Variants in COP1 observed in about 807,000 individuals in gnomAD.
The protein encoded by COP1 is COP1 E3 ubiquitin ligase, also known as E3 ubiquitin-protein ligase COP1.
A neutral mutation model predicts 101.3 loss-of-function variants in COP1; 24 were observed. The ratio of observed to expected loss-of-function variants is 0.24; its 90% CI spans 0.17 to 0.33. The LOEUF is 0.33. Ranked by LOEUF, COP1 falls within the 10% of genes least tolerant of loss-of-function variation. The probability of loss-of-function intolerance (pLI) is 1.00; values close to 1 mark genes in which losing one functional copy is unlikely to be tolerated. For synonymous variants in COP1, 347 were observed against 341.9 expected, an observed-to-expected ratio of 1.01 and a Z score of -0.17; for missense variants, 663 against 906.2, an observed-to-expected ratio of 0.73 and a Z score of 3.45.
chr1:176,164,867 C>T (rs1312840935), intron 3 of COP1, among the ~76,000 whole-genome samples: 1 of 152,004 alleles, frequency 6.6e-6, no homozygotes, highest in Non-Finnish European at 1.5e-5. Flanking sequence ...GAAACTACCA[C>T]TAGGCTAGGA....
intron 11 of COP1, among the ~76,000 whole-genome samples, chr1:176,060,194 T>C (rs796729054): frequency 3.3e-5 from 5 of 152,348 alleles, no homozygotes; most frequent in African/African-American, 1.2e-4. Flanking sequence ...TACTTTCTTA[T>C]TCCCTCTGGC....
chr1:176,120,469 G>A (rs746921634), intron 8 of COP1, among the ~76,000 whole-genome samples: 4 of 151,548 alleles, frequency 2.6e-5, no homozygotes, highest in Admixed American at 6.6e-5. Flanking sequence ...ATCAAAAAAC[G>A]TCAAGGGAAA....
rs1201929806 is a variant in COP1, at chr1:175,988,558, C to CGTG, written c.1848-149_1848-147dup. 3 of 709,670 alleles carry CGTG rather than the reference C, an allele frequency of 4.2e-6. No individual in the cohort carries two copies. In the African/African-American group the frequency reaches 5.3e-5, roughly 13 times the overall value. The allele number at this position is 709,670 out of a possible 1,614,324, so 44.0% of individuals were successfully genotyped here. A position where few individuals can be genotyped will look rare whatever the true frequency, so the allele number is the denominator to read the frequency against. ...TTAGCACGTTCATCTGTCGGCCAGG[C>CGTG]GTGGTGGCTCACGCTTGTATTCCAA... On this transcript the variant is annotated intron_variant, in intron 16 of 19. Coordinates refer to ENST00000367669, the MANE Select transcript of COP1 (RefSeq NM_022457.7).
chr1:175,964,464 C>T (rs1164881411), intron 18 of COP1, among the ~76,000 whole-genome samples: 1 of 152,244 alleles, frequency 6.6e-6, no homozygotes, highest in South Asian at 2.1e-4. Context: ...TTTAGTTCCC[C>T]TTTCAAGTGG....
intron 15 of COP1, among the ~76,000 whole-genome samples, chr1:175,991,683 T>C (rs1297754913): frequency 1.3e-5 from 2 of 152,224 alleles, no homozygotes; most frequent in East Asian, 3.8e-4. Flanking sequence ...AGTATTTCCT[T>C]TTTACATTTC....
At chr1:176,090,037 CTA>C (rs1293365749) in intron 9 of COP1, among the ~76,000 whole-genome samples, 82 of 152,208 alleles carry the variant, frequency 5.4e-4, no homozygotes, top group Non-Finnish European at 5.9e-5. Flanking sequence ...AGGTAGCCAC[CTA>C]TGAGACTTCA....
chr1:176,176,010 A>T lies in COP1; in HGVS notation c.468-3T>A. 1 of 1,426,162 alleles carries T rather than the reference A, an allele frequency of 7.0e-7. No homozygotes were observed. The highest frequency in any genetic ancestry group is 9.7e-7 in the Non-Finnish European group (1 of 1,026,680). 88.3% of individuals were successfully genotyped at this position (1,426,162 alleles called of 1,614,324 possible). ...AACTCTGATGAATACACTTGTAGCT[A>T]TTAGTAGGGGGGGAAAAAAAAGGCT... On this transcript the variant is annotated splice_region_variant and splice_polypyrimidine_tract_variant and intron_variant, in intron 2 of 19. Transcript: ENST00000367669.
At chr1:176,047,519 T>C (rs1321582976) in intron 11 of COP1, among the ~76,000 whole-genome samples, 3 of 152,150 alleles carry the variant, frequency 2.0e-5, no homozygotes, top group African/African-American at 7.2e-5. Context: ...AAACTCAAAG[T>C]GTAAAGGCTA....
At chr1:176,151,241 T>G (rs1050902388) in intron 5 of COP1, among the ~76,000 whole-genome samples, 2 of 137,384 alleles carry the variant, frequency 1.5e-5, no homozygotes, top group African/African-American at 5.4e-5. Flanking sequence ...GAAATGTATT[T>G]AGAAAGAAAG....
At chr1:176,096,295 C>T (rs952652199) in intron 9 of COP1, among the ~76,000 whole-genome samples, 5 of 152,096 alleles carry the variant, frequency 3.3e-5, no homozygotes, top group African/African-American at 4.8e-5. Context: ...GTAACAGCAC[C>T]TATCTTTTCT....
chr1:176,045,784 T>C (rs1671416579), intron 12 of COP1, among the ~76,000 whole-genome samples: 1 of 151,982 alleles, frequency 6.6e-6, no homozygotes, highest in Non-Finnish European at 1.5e-5. Context: ...AAAAAAATTC[T>C]TAAAACTAGA....
At chr1:176,134,157 G>A (rs74413814) in intron 8 of COP1, among the ~76,000 whole-genome samples, 6,368 of 151,910 alleles carry the variant, frequency 0.042, 155 homozygotes, top group Non-Finnish European at 0.048. Context: ...TAAGGTTTCC[G>A]AAGGTTATTA....
intron 11 of COP1, among the ~76,000 whole-genome samples, chr1:176,068,115 A>C (rs141627688): frequency 2.0e-5 from 3 of 152,340 alleles, no homozygotes; most frequent in African/African-American, 7.2e-5. Context: ...TGAACCTAAA[A>C]CTGCTCCATA....
At chr1:176,147,857 C>G (rs1036521330) in intron 6 of COP1, among the ~76,000 whole-genome samples, 1 of 152,216 alleles carries the variant, frequency 6.6e-6, no homozygotes, top group Non-Finnish European at 1.5e-5. Context: ...CAGGCTCCAA[C>G]AGAGCCTCCC....
intron 1 of COP1, among the ~76,000 whole-genome samples, chr1:176,185,062 G>A (rs1199430975): frequency 6.6e-6 from 1 of 152,058 alleles, no homozygotes; most frequent in Non-Finnish European, 1.5e-5. Context: ...CGTGTACCGA[G>A]ACCTGCTAAA....
At chr1:176,001,899 C>T (rs1412945633) in intron 15 of COP1, among the ~76,000 whole-genome samples, 1 of 152,082 alleles carries the variant, frequency 6.6e-6, no homozygotes, top group African/African-American at 2.4e-5. Context: ...CCTTTCAATA[C>T]TTTAAACATA....
chr1:176,206,202 G>A (rs1471532760), intron 1 of COP1: 1 of 252,678 alleles, frequency 4.0e-6, no homozygotes, highest in Non-Finnish European at 7.7e-6. Flanking sequence ...CTGATTGACT[G>A]AGTGTTCAAT....
At position 176,132,277 on chromosome 1, in the gene COP1, T is replaced by C. The variant is rs139389222; in HGVS notation, c.968+2733A>G. On this transcript the variant is annotated intron_variant, in intron 8 of 19. Transcript: ENST00000367669. ...ATAACTTTCCATCATAATTAGTCTT[T>C]ACTTGATTAATGTGTCAACTTAAAT... 4.6e-3 allele frequency among the ~76,000 whole-genome samples: 697 copies of C among 151,936 alleles called. 7 individuals are homozygous for C. Among genetic ancestry groups the C allele is most frequent in the African/African-American group, 0.015 (606 of 41,520 alleles).
intron 15 of COP1, among the ~76,000 whole-genome samples, chr1:175,999,658 CTA>C (rs1661121103): frequency 6.6e-6 from 1 of 151,968 alleles, no homozygotes; most frequent in Non-Finnish European, 1.5e-5. Flanking sequence ...TATGGTAGCT[CTA>C]GTTTTAATTT....
Sources: gnomAD v4.1 joint callset for allele counts (sites outside exome capture counted in the v4.1 genomes callset) on GRCh38, gnomAD v4.1.1 for gene constraint, MANE v1.5 for transcripts, NCBI Gene and HGNC (gene_info 2026-07-23, HGNC 2026-07-21) for gene names.